Variants in INPP5F observed in about 807,000 individuals in gnomAD.
INPP5F encodes inositol polyphosphate-5-phosphatase F.
Under a neutral mutation model 137.2 loss-of-function variants are expected in INPP5F, and 97 were observed. The observed-to-expected ratio is 0.71, with a 90% confidence interval of 0.60 to 0.84. INPP5F has a LOEUF of 0.84. Ranked by LOEUF, INPP5F falls within the 40% of genes least tolerant of loss-of-function variation. The pLI is 0.00. For synonymous variants in INPP5F, 504 were observed against 476.9 expected (o/e 1.06, Z -0.74); for missense variants, 1,271 against 1,371.9 (o/e 0.93, Z 1.16).
intron 6 of INPP5F, 126 bp from the exon 7 acceptor site, chr10:119,796,589 A>G (rs533796075): frequency 1.1e-5 from 9 of 804,472 alleles, no homozygotes; most frequent in East Asian, 2.5e-5. Context: ...AGCAGAAAAT[A>G]TGGTTGAATA....
At chr10:119,737,785 T>G (rs1487252927) in intron 1 of INPP5F, among the ~76,000 whole-genome samples, 1 of 152,222 alleles carries the variant, frequency 6.6e-6, no homozygotes, top group African/African-American at 2.4e-5. Flanking sequence ...TCTAAAACCC[T>G]TTTCCTTATC....
intron 3 of INPP5F, among the ~76,000 whole-genome samples, chr10:119,785,162 A>G (rs1295596608): frequency 6.6e-6 from 1 of 151,418 alleles, no homozygotes; most frequent in Non-Finnish European, 1.5e-5. Flanking sequence ...ATGCTATTAT[A>G]AGCCATTTTG....
At chr10:119,813,096 G>T (rs1386469927) in intron 15 of INPP5F, among the ~76,000 whole-genome samples, 1 of 152,072 alleles carries the variant, frequency 6.6e-6, no homozygotes, top group Non-Finnish European at 1.5e-5. Flanking sequence ...AATCAAAATT[G>T]GGAAAAACCA....
At chr10:119,746,488 A>G (rs1352928471) in intron 1 of INPP5F, among the ~76,000 whole-genome samples, 1 of 152,318 alleles carries the variant, frequency 6.6e-6, no homozygotes, top group African/African-American at 2.4e-5. Flanking sequence ...TGCCTGATAC[A>G]GGGATTCTGG....
At chr10:119,785,532 G>A (rs527725505) in intron 3 of INPP5F, among the ~76,000 whole-genome samples, 6 of 137,088 alleles carry the variant, frequency 4.4e-5, no homozygotes, top group South Asian at 2.5e-4. Context: ...CTTGTGATCC[G>A]CTCGAGAGAG....
rs377678035 is a variant in INPP5F at position 119,796,832 on chromosome 10, C to G, written c.787C>G (p.Pro263Ala). 74 of 1,613,760 alleles carry G rather than the reference C, an allele frequency of 4.6e-5. 1 individual carries two copies. In the South Asian group the frequency reaches 7.3e-4, roughly 16 times the overall value. ...DDEKSSPETP[P>A]QESTCVDDIH... Reference sequence around the variant, plus strand: ...TGAGAAAAGCAGCCCAGAGACCCCCCCTCAGGAGTCCACCTGTGTAGATGA... The same window carrying G: ...TGAGAAAAGCAGCCCAGAGACCCCCGCTCAGGAGTCCACCTGTGTAGATGA... The change falls in exon 7 of 20, where the codon CCT (proline) becomes GCT (alanine). Residue 263 changes from proline (P) to alanine (A), a missense_variant. Transcript: ENST00000650623.
chr10:119,778,796 T>C (rs1849607842), intron 2 of INPP5F, among the ~76,000 whole-genome samples: 1 of 152,206 alleles, frequency 6.6e-6, no homozygotes, highest in Non-Finnish European at 1.5e-5. Context: ...TTTTCTTCTC[T>C]ATCTCCTACA....
chr10:119,735,387 A>G (rs1848189650), intron 1 of INPP5F, among the ~76,000 whole-genome samples: 2 of 152,172 alleles, frequency 1.3e-5, no homozygotes, highest in Admixed American at 1.3e-4. Flanking sequence ...TCATTCTTTG[A>G]AACAGCTTTT....
intron 2 of INPP5F, among the ~76,000 whole-genome samples, chr10:119,759,668 T>C (rs1293745323): frequency 1.3e-5 from 2 of 152,124 alleles, no homozygotes; most frequent in Non-Finnish European, 2.9e-5. Flanking sequence ...GAAGTAAGAT[T>C]TTCATTGGTG....
At chr10:119,793,794 G>A (rs1438822089) in intron 6 of INPP5F, among the ~76,000 whole-genome samples, 2 of 151,918 alleles carry the variant, frequency 1.3e-5, no homozygotes, top group East Asian at 3.9e-4. Context: ...TACAGCTTGC[G>A]CCCCAGGCCC....
At chr10:119,826,141 C>T (rs1283790327) in intron 19 of INPP5F, 5 of 395,458 alleles carry the variant, frequency 1.3e-5, no homozygotes, top group Admixed American at 4.4e-5. Flanking sequence ...TTCCCATTTA[C>T]AGTCAGAGAT....
intron 2 of INPP5F, among the ~76,000 whole-genome samples, chr10:119,767,276 A>C: frequency 6.6e-6 from 1 of 152,134 alleles, no homozygotes; most frequent in Non-Finnish European, 1.5e-5. Flanking sequence ...TAAATGTAGA[A>C]TTAAAATACA....
intron 14 of INPP5F, among the ~76,000 whole-genome samples, chr10:119,810,431 C>T (rs755069919): frequency 1.3e-5 from 2 of 152,076 alleles, no homozygotes; most frequent in Non-Finnish European, 2.9e-5. Context: ...ATCTATTTTC[C>T]ATGCATATTT....
At chr10:119,813,545 A>C (rs1851130534) in intron 15 of INPP5F, among the ~76,000 whole-genome samples, 1 of 152,170 alleles carries the variant, frequency 6.6e-6, no homozygotes, top group Admixed American at 6.5e-5. Flanking sequence ...GGAACTCAAG[A>C]GCCCAGGCAT....
intron 2 of INPP5F, 137 bp downstream of exon 2, chr10:119,751,293 A>G (rs990539457): frequency 1.1e-5 from 7 of 654,612 alleles, no homozygotes; most frequent in Middle Eastern, 3.9e-4. Context: ...AAGTGGGTGT[A>G]TAATGAGCGA....
intron 2 of INPP5F, among the ~76,000 whole-genome samples, chr10:119,771,052 C>T (rs887647573): frequency 5.3e-5 from 8 of 152,130 alleles, no homozygotes; most frequent in Middle Eastern, 3.2e-3. Context: ...AATTCCAGAA[C>T]ATTTTCGGCA....
At position 119,827,835 on chromosome 10, in the gene INPP5F, C is replaced by A; in HGVS notation, c.*55C>A. ...TTTATTTAAAAATATGAAATTTTCACCTCTTGGGGTATTTTAATTGTACTG... is the reference window on the plus strand; with the variant it reads ...TTTATTTAAAAATATGAAATTTTCAACTCTTGGGGTATTTTAATTGTACTG... On this transcript the variant is annotated 3_prime_UTR_variant, in exon 20 of 20. Coordinates refer to ENST00000650623, the MANE Select transcript of INPP5F (RefSeq NM_014937.4). 1 of 1,245,422 alleles carries A rather than the reference C, an allele frequency of 8.0e-7. No individual in the cohort carries two copies. The highest frequency in any genetic ancestry group is 2.3e-5 in the East Asian group (1 of 43,102). The allele number at this position is 1,245,422 out of a possible 1,614,324, so 77.1% of individuals were successfully genotyped here. A position where few individuals can be genotyped will look rare whatever the true frequency, so the allele number is the denominator to read the frequency against.
chr10:119,808,966 G>A (rs1284116609), intron 13 of INPP5F, among the ~76,000 whole-genome samples: 1 of 152,210 alleles, frequency 6.6e-6, no homozygotes, highest in Non-Finnish European at 1.5e-5. Flanking sequence ...GCTCAACCCT[G>A]TAATCCCAGC....
chr10:119,820,993 CAAAA>C (rs539776380), intron 16 of INPP5F, 76 bp downstream of exon 16: 6 of 912,798 alleles, frequency 6.6e-6, no homozygotes, highest in Non-Finnish European at 1.1e-5. Context: ...GAATTCGTAA[CAAAA>C]AAATGTGAGA....
Sources: allele counts gnomAD v4.1 joint callset (sites outside exome capture counted in the v4.1 genomes callset), GRCh38; gene constraint gnomAD v4.1.1; transcripts MANE v1.5; gene names NCBI Gene and HGNC (gene_info 2026-07-23, HGNC 2026-07-21).